The following IDH3G variants were observed in gnomAD, a reference collection of about 807,000 sequenced individuals.
IDH3G encodes the protein isocitrate dehydrogenase (NAD(+)) 3 non-catalytic subunit gamma.
In IDH3G, 9 loss-of-function variants were observed where a neutral mutation model predicts 26.9. The ratio of observed to expected loss-of-function variants is 0.34; its 90% CI spans 0.20 to 0.58. IDH3G has a LOEUF of 0.58. IDH3G is among the 20% of genes least tolerant of loss of function. IDH3G has a pLI of 0.85. For missense variants in IDH3G, 250 were observed against 372.8 expected (o/e 0.67, Z 2.71); for synonymous variants, 181 against 160.0 (o/e 1.13, Z -0.99).
At position 153,785,898 on chromosome X, in the gene IDH3G, T is replaced by C. The variant is rs1557068992; in HGVS notation, c.1156A>G (p.Ile386Val). 7.4e-6 allele frequency: 9 copies of C among 1,211,479 alleles called. No individual in the cohort carries two copies. Among genetic ancestry groups the C allele is most frequent in the South Asian group, 3.5e-5 (2 of 57,040 alleles). Reference protein sequence around the residue: ...IQDVIRHIRVINGRAVEA With the variant: ...IQDVIRHIRVVNGRAVEA ...TAGGCCTCCACGGCCCGGCCGTTGA[T>C]GACGCGGATGTGGCGGATGACGTCC... is the stretch of plus-strand genomic sequence containing the variant. Residue 386 changes from isoleucine to valine, a missense_variant, in exon 13 of 13, where the codon ATC becomes GTC. Ile to Val is a conservative substitution (Grantham distance 29). Coordinates refer to ENST00000217901, the MANE Select transcript of IDH3G (RefSeq NM_004135.4).
At position 153,794,313 on chromosome X, in the gene IDH3G, AC is replaced by A; in HGVS notation, c.13del (p.Val5Ter). On this transcript the variant is annotated frameshift_variant, in exon 1 of 13. Transcript: ENST00000217901. LOFTEE classifies it high-confidence loss of function. Reference protein sequence around the residue: MALKVATVAGSAAKA... With the variant: MALKXATVAGSAAKA... Reference sequence around the variant, plus strand: ...CGCGGCGCTGCCGGCGACGGTCGCTACCTTCAGCGCCATGACGGAAAGTGAG... The same window carrying A: ...CGCGGCGCTGCCGGCGACGGTCGCTACTTCAGCGCCATGACGGAAAGTGAG... 8.4e-7 allele frequency: 1 copy of A among 1,196,549 alleles called. No individual in the cohort carries two copies. Among genetic ancestry groups the A allele is most frequent in the Non-Finnish European group, 1.1e-6 (1 of 889,385 alleles).
Position 153,786,967 on chromosome X carries a change from C to T in IDH3G, c.778-20G>A. 1 of 1,203,664 alleles carries T rather than the reference C, an allele frequency of 8.3e-7. No individual in the cohort carries two copies. Among genetic ancestry groups the T allele is most frequent in the Non-Finnish European group, 1.1e-6 (1 of 889,249 alleles). ...CACCAGCTGCGGGACAAGGAGGGGGCTGGCTGAGGAGCAGATTCGGAAGCA... is the reference window on the plus strand; with the variant it reads ...CACCAGCTGCGGGACAAGGAGGGGGTTGGCTGAGGAGCAGATTCGGAAGCA... On this transcript the variant is annotated intron_variant, in intron 9 of 12. Transcript: ENST00000217901.
rs191581038 is a variant in IDH3G at position 153,787,487 on chromosome X, C to T, written c.651G>A (p.Thr217=). The change falls in exon 8 of 13, where the codon ACG becomes ACA. Residue 217 remains threonine (T), a synonymous_variant. Transcript: ENST00000217901. ...LAQESGRKKV[T]AVHKANIMKL... ...ACATGATGTTGGCCTTGTGCACGGCCGTCACTTTCTTGCGCCCGCTCTCCT... is the reference window on the plus strand; with the variant it reads ...ACATGATGTTGGCCTTGTGCACGGCTGTCACTTTCTTGCGCCCGCTCTCCT... 1.7e-4 allele frequency: 204 copies of T among 1,210,336 alleles called. 2 individuals are homozygous for T. The Admixed American group carries it at 4.3e-3, about 26-fold the overall frequency.
rs782043057 is a variant in IDH3G at position 153,790,295 on chromosome X, G to T, written c.136-3C>A. On this transcript the variant is annotated splice_region_variant and splice_polypyrimidine_tract_variant and intron_variant, in intron 3 of 12. Transcript: ENST00000217901. ...CCGCCATACTTAGCGGACGGAGGCT[G>T]TGGGAGGCAGAGGGTGAAGGTGGGC... 8.3e-7 allele frequency: 1 copy of T among 1,201,389 alleles called. No homozygotes were observed. The highest frequency in any genetic ancestry group is 1.1e-6 in the Non-Finnish European group (1 of 886,656).
rs782321700 is a variant in IDH3G at position 153,794,276 on chromosome X, G to A, written c.51C>T (p.Leu17=). 1 of 1,201,420 alleles carries A rather than the reference G, an allele frequency of 8.3e-7. No homozygotes were observed. Among genetic ancestry groups the A allele is most frequent in the Non-Finnish European group, 1.1e-6 (1 of 891,457 alleles). The change falls in exon 1 of 13, where the codon CTC becomes CTT. Residue 17 remains leucine, a synonymous_variant. Coordinates refer to ENST00000217901, the MANE Select transcript of IDH3G (RefSeq NM_004135.4). ...AGGGACGGCAGAGAAGGGCTGGCCC[G>A]AGCACCGCCTTCGCGGCGCTGCCGG... The part of the protein sequence containing the change: ...TVAGSAAKAV[L]GPALLCRPWE...
At chrX:153,787,203 G>A in intron 8 of IDH3G, 50 bp from the exon 9 acceptor site, 1 of 1,021,250 alleles carries the variant, frequency 9.8e-7, no homozygotes, top group South Asian at 2.0e-5. Context: ...GCAACAGTCA[G>A]CCAGAGGGAC....
rs782510955 is a variant in IDH3G at position 153,789,833 on chromosome X, C to T, written c.234-9G>A. ...CTGGTACACATGCGTGCCTGAGGCA[C>T]GGCAGGGTCAGGGAGGCTGGCCCAG... is the stretch of plus-strand genomic sequence containing the variant. On this transcript the variant is annotated splice_polypyrimidine_tract_variant and intron_variant, in intron 4 of 12. Transcript: ENST00000217901. 7.9e-6 allele frequency: 9 copies of T among 1,135,286 alleles called. No individual in the cohort carries two copies. In the East Asian group the frequency reaches 9.1e-5, roughly 11 times the overall value. The allele number at this position is 1,135,286 out of a possible 1,213,427, so 93.6% of individuals were successfully genotyped here. A position where few individuals can be genotyped will look rare whatever the true frequency, so the allele number is the denominator to read the frequency against.
intron 2 of IDH3G, 106 bp downstream of exon 2, chrX:153,790,704 C>A (rs2092106226): frequency 9.5e-7 from 1 of 1,058,157 alleles, no homozygotes. Flanking sequence ...GGGTGGGTAG[C>A]CCCTGGAGAC....
intron 2 of IDH3G, 99 bp downstream of exon 2, chrX:153,790,711 A>G: frequency 9.3e-7 from 1 of 1,077,176 alleles, no homozygotes; most frequent in Non-Finnish European, 1.3e-6. Context: ...TAGCCCCTGG[A>G]GACCACGTCT....
intron 5 of IDH3G, 55 bp downstream of exon 5, chrX:153,789,657 G>A (rs782596995): frequency 9.0e-5 from 62 of 690,462 alleles, no homozygotes; most frequent in Non-Finnish European, 1.4e-4. Flanking sequence ...AAGGAAGAAA[G>A]CAAGAAAGAA....
intron 5 of IDH3G, 71 bp from the exon 6 acceptor site, chrX:153,788,206 G>T: frequency 9.4e-7 from 1 of 1,066,750 alleles, no homozygotes; most frequent in Non-Finnish European, 1.3e-6. Context: ...GCTGAAGGCT[G>T]CCGGGGTCAG....
In IDH3G at chrX:153,787,126, C is replaced by T; in HGVS notation, c.702G>A (p.Gln234=). 2 of 1,209,657 alleles carry T rather than the reference C, an allele frequency of 1.7e-6. No individual in the cohort carries two copies. The highest frequency in any genetic ancestry group is 2.2e-6 in the Non-Finnish European group (2 of 893,583). The change falls in exon 9 of 13, where the codon CAG becomes CAA. Residue 234 remains glutamine, a synonymous_variant. Coordinates refer to ENST00000217901, the MANE Select transcript of IDH3G (RefSeq NM_004135.4). ...AGCGGGCTGCCACCTCCCTGCAGCA[C>T]TGGAGGAAAAGCCCATCGCCCAGTT... ...IMKLGDGLFL[Q]CCREVAARYP...
rs1333890125 is a variant in IDH3G, at chrX:153,788,248, ACTAGAATG to A, written c.347-121_347-114del. The A allele has an allele frequency of 1.2e-5, 9 of 741,333 alleles. No homozygotes were observed. The East Asian group carries it at 1.3e-4, about 11-fold the overall frequency. 61.1% of individuals were successfully genotyped at this position (741,333 alleles called of 1,213,427 possible). On this transcript the variant is annotated intron_variant, in intron 5 of 12. Transcript: ENST00000217901. The stretch of plus-strand genomic sequence containing the variant: ...TGGGGAGCAAAAATGTTTCCTGAAC[ACTAGAATG>A]CTAGAATGCAACTTCCAGCCTAAGC...
At chrX:153,788,962 A>C (rs782126955) in intron 5 of IDH3G, among the ~76,000 whole-genome samples, 101 of 112,237 alleles carry the variant, frequency 9.0e-4, no homozygotes, top group African/African-American at 3.2e-3. Flanking sequence ...GAGGGTCGGA[A>C]CTGCATCTCT....
intron 1 of IDH3G, among the ~76,000 whole-genome samples, chrX:153,792,548 A>C (rs2092113226): frequency 8.9e-6 from 1 of 112,376 alleles, no homozygotes; most frequent in Admixed American, 9.4e-5. Flanking sequence ...CTGGGAGGTC[A>C]CGGGTGGACC....
At chrX:153,792,199 C>T (rs782238435) in intron 1 of IDH3G, 177 of 111,507 alleles carry the variant, frequency 1.6e-3, no homozygotes, top group Non-Finnish European at 2.6e-3. Flanking sequence ...AGAGGAGGGG[C>T]CAAGTCAGTG....
At chrX:153,786,017 C>G (rs200391024) in intron 12 of IDH3G, 44 bp from the exon 13 acceptor site, 93 of 1,209,012 alleles carry the variant, frequency 7.7e-5, no homozygotes, top group Non-Finnish European at 9.9e-5. Flanking sequence ...GCCCTGCCAC[C>G]CCCCGCTGTC....
chrX:153,794,050 G>C, intron 1 of IDH3G, 196 bp downstream of exon 1: 3 of 439,824 alleles, frequency 6.8e-6, no homozygotes, highest in Non-Finnish European at 1.1e-5. Context: ...CAGACCCCCT[G>C]GGGGAGCCGG....
intron 5 of IDH3G, chrX:153,789,093 C>G: frequency 2.9e-6 from 1 of 342,387 alleles, no homozygotes. Flanking sequence ...ACTGGACAGG[C>G]TCACACACAG....
Sources: allele counts gnomAD v4.1 joint callset (sites outside exome capture counted in the v4.1 genomes callset), GRCh38; gene constraint gnomAD v4.1.1; transcripts MANE v1.5; gene names NCBI Gene and HGNC (gene_info 2026-07-23, HGNC 2026-07-21).